Variants in ZNF106 observed in about 807,000 individuals in gnomAD.
The protein encoded by ZNF106 is SH3-domain binding protein 3.
A neutral mutation model predicts 195.1 loss-of-function variants in ZNF106; 67 were observed. That is an observed-to-expected ratio of 0.34 (90% confidence interval 0.28 to 0.42). The LOEUF is 0.42. ZNF106 is among the 10% of genes least tolerant of loss of function. ZNF106 has a pLI of 1.00. For synonymous variants in ZNF106, 784 were observed against 818.6 expected, an observed-to-expected ratio of 0.96 and a Z score of 0.72; for missense variants, 2,118 against 2,304.5, an observed-to-expected ratio of 0.92 and a Z score of 1.66.
Position 42,435,511 on chromosome 15 carries a change from T to C in ZNF106, c.4754A>G (p.Lys1585Arg), listed in dbSNP as rs200268018. The change falls in exon 14 of 22, where the codon AAA (lysine) becomes AGA (arginine). Residue 1585 changes from lysine (K) to arginine (R), a missense_variant. Transcript: ENST00000564754. The stretch of plus-strand genomic sequence containing the variant: ...ATGACCCTCAAAGACACCAATACAT[T>C]TCCGACTCTAAAGTTTAAGCACAGA... The part of the protein sequence containing the change: ...TVRVYNLVSR[K>R]CIGVFEGHTS... 2.3e-5 allele frequency: 37 copies of C among 1,613,996 alleles called. No homozygotes were observed. The highest frequency in any genetic ancestry group is 2.7e-5 in the Non-Finnish European group (32 of 1,180,036).
intron 1 of ZNF106, among the ~76,000 whole-genome samples, chr15:42,483,440 C>T (rs1446510046): frequency 6.6e-6 from 1 of 152,128 alleles, no homozygotes; most frequent in Non-Finnish European, 1.5e-5. Context: ...TCTGCTGGGA[C>T]CTGGGTGACT....
chr15:42,481,471 C>G (rs1194308064), intron 1 of ZNF106, among the ~76,000 whole-genome samples: 1 of 151,324 alleles, frequency 6.6e-6, no homozygotes, highest in Non-Finnish European at 1.5e-5. Flanking sequence ...GATTCTCCCG[C>G]TTCAGCCTCC....
chr15:42,450,620 C>A lies in ZNF106; in HGVS notation c.1652G>T (p.Gly551Val), dbSNP rs2055974541. ...TCGTAAAGTATCATTTAAATTATCACCAGATTGCTTTTGAGAGCCAAATGT... is the reference window on the plus strand; with the variant it reads ...TCGTAAAGTATCATTTAAATTATCAACAGATTGCTTTTGAGAGCCAAATGT... ...KSTFGSQKQS[G>V]DNLNDTLRKA... The change falls in exon 5 of 22, where the codon GGT becomes GTT. Residue 551 changes from glycine (G) to valine (V), a missense_variant. Transcript: ENST00000564754. 6.2e-7 allele frequency: 1 copy of A among 1,614,012 alleles called. No individual in the cohort carries two copies. Among genetic ancestry groups the A allele is most frequent in the South Asian group, 1.1e-5 (1 of 91,092 alleles).
chr15:42,451,166 G>C lies in ZNF106; in HGVS notation c.1106C>G (p.Pro369Arg). Residue 369 changes from proline to arginine, a missense_variant, in exon 5 of 22, where the codon CCT (proline) becomes CGT (arginine). Coordinates refer to ENST00000564754, the MANE Select transcript of ZNF106 (RefSeq NM_001366845.3). ...AGAAGGGTAAGGCGTCCAGCGACGAGGCTTTTCCCTTGCCGCACTGCCATT... is the reference window on the plus strand; with the variant it reads ...AGAAGGGTAAGGCGTCCAGCGACGACGCTTTTCCCTTGCCGCACTGCCATT... The part of the protein sequence containing the change: ...GKNGSAAREK[P>R]RRWTPYPSQK... 6.2e-7 allele frequency: 1 copy of C among 1,614,162 alleles called. No individual in the cohort carries two copies. Among genetic ancestry groups the C allele is most frequent in the Non-Finnish European group, 8.5e-7 (1 of 1,180,034 alleles).
At position 42,451,378 on chromosome 15, in the gene ZNF106, G is replaced by C. The variant is rs150773032; in HGVS notation, c.894C>G (p.His298Gln). 1.9e-6 allele frequency: 3 copies of C among 1,614,064 alleles called. No homozygotes were observed. Among genetic ancestry groups the C allele is most frequent in the Non-Finnish European group, 2.5e-6 (3 of 1,180,000 alleles). Residue 298 changes from histidine (H) to glutamine (Q), a missense_variant, in exon 5 of 22, where the codon CAC becomes CAG. His to Gln is a conservative substitution (Grantham distance 24, BLOSUM62 0). Coordinates refer to ENST00000564754, the MANE Select transcript of ZNF106 (RefSeq NM_001366845.3). ...KKSNKSNKYSHDRYNWQRQEN... is the reference protein window; with the variant it reads ...KKSNKSNKYSQDRYNWQRQEN... ...CTTGCCGCTGCCAATTATATCTGTC[G>C]TGACTGTATTTGTTTGACTTATTAG...
At chr15:42,430,566 GGA>G (rs1172672488) in intron 14 of ZNF106, among the ~76,000 whole-genome samples, 1 of 151,610 alleles carries the variant, frequency 6.6e-6, no homozygotes, top group African/African-American at 2.4e-5. Context: ...AAATTTTTTT[GGA>G]GAGATGAGGT....
At chr15:42,425,346 G>A (rs1464231718) in intron 15 of ZNF106, 3 of 262,566 alleles carry the variant, frequency 1.1e-5, no homozygotes, top group Middle Eastern at 1.3e-3. Context: ...AATAATGAAG[G>A]GTGAACCTTT....
At chr15:42,477,583 A>G (rs1029500779) in intron 1 of ZNF106, among the ~76,000 whole-genome samples, 6 of 152,340 alleles carry the variant, frequency 3.9e-5, no homozygotes, top group African/African-American at 1.4e-4. Flanking sequence ...TGTATCCACA[A>G]AAAAATTAAA....
intron 14 of ZNF106, 85 bp downstream of exon 14, chr15:42,435,299 C>A: frequency 6.4e-7 from 1 of 1,551,340 alleles, no homozygotes; most frequent in Admixed American, 1.8e-5. Flanking sequence ...TAGAATGAAG[C>A]GTCTGCCACA....
At chr15:42,444,378 AC>A in intron 8 of ZNF106, 116 bp from the exon 9 acceptor site, 1 of 746,108 alleles carries the variant, frequency 1.3e-6, no homozygotes. Flanking sequence ...CTGCTCTGTG[AC>A]CCAGCCAGCC....
chr15:42,443,607 G>A (rs1399021811), intron 9 of ZNF106, among the ~76,000 whole-genome samples: 3 of 151,992 alleles, frequency 2.0e-5, no homozygotes, highest in African/African-American at 4.8e-5. Context: ...ACACACGTCT[G>A]TAGTCCCAGC....
intron 9 of ZNF106, among the ~76,000 whole-genome samples, chr15:42,443,635 T>A (rs1207003294): frequency 6.7e-6 from 1 of 150,180 alleles, no homozygotes; most frequent in South Asian, 2.1e-4. Context: ...GGGAGTGAGG[T>A]GGGAAAATTG....
At position 42,472,256 on chromosome 15, in the gene ZNF106, T is replaced by C. The variant is rs1373740248; in HGVS notation, c.34A>G (p.Ile12Val). 2.1e-5 allele frequency: 32 copies of C among 1,535,788 alleles called. No homozygotes were observed. Among genetic ancestry groups the C allele is most frequent in the Non-Finnish European group, 2.8e-5 (32 of 1,146,812 alleles). ...ATTACCTTTTTTGAGCTGTACACGATGTGGCATAATATGCATTTTCGTTCT... is the reference window on the plus strand; with the variant it reads ...ATTACCTTTTTTGAGCTGTACACGACGTGGCATAATATGCATTTTCGTTCT... Reference protein sequence around the residue: ...VRERKCILCHIVYSSKKEMDE... With the variant: ...VRERKCILCHVVYSSKKEMDE... Residue 12 changes from isoleucine (I) to valine (V), a missense_variant, in exon 2 of 22, where the codon ATC becomes GTC. Physicochemically the swap from Ile to Val is conservative, Grantham distance 29 (BLOSUM62 3). Coordinates refer to ENST00000564754, the MANE Select transcript of ZNF106 (RefSeq NM_001366845.3).
rs186745003 is a variant in ZNF106 at position 42,456,940 on chromosome 15, A to T, written c.317+18T>A. On this transcript the variant is annotated intron_variant, in intron 4 of 21. Transcript: ENST00000564754. ...GTTCTGTTATAGATAGGCTTTTTTT[A>T]AAAAATCAATTACTTACCGACTTTG... The T allele has an allele frequency of 8.7e-6, 14 of 1,602,210 alleles. No individual in the cohort carries two copies. Among genetic ancestry groups the T allele is most frequent in the African/African-American group, 4.1e-5 (3 of 74,050 alleles).
chr15:42,442,565 T>C, intron 9 of ZNF106, 151 bp from the exon 10 acceptor site: 1 of 621,960 alleles, frequency 1.6e-6, no homozygotes, highest in South Asian at 2.3e-5. Context: ...ATATGGAGAA[T>C]ATAATCTCTA....
Position 42,413,334 on chromosome 15 carries a change from G to C in ZNF106, c.*3970C>G, listed in dbSNP as rs1325986269. 2 of 152,118 alleles carry C rather than the reference G, an allele frequency of 1.3e-5. No homozygotes were observed. The highest frequency in any genetic ancestry group is 2.9e-5 in the Non-Finnish European group (2 of 68,008). 9.4% of individuals were successfully genotyped at this position (152,118 alleles called of 1,614,324 possible). A position where few individuals can be genotyped will look rare whatever the true frequency, so the allele number is the denominator to read the frequency against. ...ATTAGACCACTTCTCTTAAACCCGA[G>C]GAACCTGATGATTTGGGGGCAGGGA... On this transcript the variant is annotated 3_prime_UTR_variant, in exon 22 of 22. Transcript: ENST00000564754.
chr15:42,417,801 G>A lies in ZNF106; in HGVS notation c.5664+4C>T, dbSNP rs1482646444. On this transcript the variant is annotated splice_donor_region_variant and intron_variant, in intron 21 of 21. Transcript: ENST00000564754. ...CAGGCAAACCTCAAGTCCCACTAATGTACCTGTTTGGATCCTTTCCTAGCA... is the reference window on the plus strand; with the variant it reads ...CAGGCAAACCTCAAGTCCCACTAATATACCTGTTTGGATCCTTTCCTAGCA... 5 of 1,612,036 alleles carry A rather than the reference G, an allele frequency of 3.1e-6. No individual in the cohort carries two copies. Among genetic ancestry groups the A allele is most frequent in the African/African-American group, 1.3e-5 (1 of 74,828 alleles).
chr15:42,472,127 G>T, intron 2 of ZNF106, 109 bp downstream of exon 2: 1 of 1,066,366 alleles, frequency 9.4e-7, no homozygotes, highest in Non-Finnish European at 1.3e-6. Context: ...CATTGTCAAA[G>T]CTTTTCCTAT....
intron 12 of ZNF106, among the ~76,000 whole-genome samples, chr15:42,437,892 G>A (rs994714682): frequency 7.1e-6 from 1 of 140,546 alleles, no homozygotes; most frequent in African/African-American, 2.7e-5. Context: ...GGGCGACAAC[G>A]ACTCCGTCTC....
Sources: allele counts gnomAD v4.1 joint callset (sites outside exome capture counted in the v4.1 genomes callset), GRCh38; gene constraint gnomAD v4.1.1; transcripts MANE v1.5; gene names NCBI Gene and HGNC (gene_info 2026-07-23, HGNC 2026-07-21).